The following FBF1 variants were observed in gnomAD, a reference collection of about 807,000 sequenced individuals.
FBF1 encodes the protein Fas binding factor 1, also known as fas-binding factor 1.
Under a neutral mutation model 147.2 loss-of-function variants are expected in FBF1, and 119 were observed. That is an observed-to-expected ratio of 0.81 (90% CI 0.70 to 0.94). The LOEUF is 0.94. Among genes scored for constraint, FBF1 ranks in the 40% least tolerant of loss-of-function variants. The pLI, the probability that FBF1 is intolerant of heterozygous loss-of-function variation, is 0.00. For missense variants in FBF1, 1,449 were observed against 1,500.8 expected (o/e 0.97, Z 0.57); for synonymous variants, 601 against 609.0 (o/e 0.99, Z 0.19).
chr17:75,936,953 G>A (rs544945331), intron 3 of FBF1, among the ~76,000 whole-genome samples: 1 of 152,154 alleles, frequency 6.6e-6, no homozygotes, highest in African/African-American at 2.4e-5. Context: ...GAGGCATGTG[G>A]GGGAACCTAA....
chr17:75,915,166 G>C (rs771551682), intron 23 of FBF1, 27 bp from the exon 24 acceptor site: 3 of 1,598,558 alleles, frequency 1.9e-6, no homozygotes, highest in African/African-American at 1.3e-5. Flanking sequence ...AGGACTGAGA[G>C]CGTGGTTCCC....
chr17:75,926,503 T>C, intron 10 of FBF1, 77 bp from the exon 11 acceptor site: 3 of 1,466,404 alleles, frequency 2.0e-6, no homozygotes, highest in Non-Finnish European at 2.7e-6. Context: ...TTGGGGGTGG[T>C]TTCTCTGCAC....
rs765224061 is a variant in FBF1 at position 75,925,998 on chromosome 17, C to G, written c.868+32G>C. 2.5e-6 allele frequency: 4 copies of G among 1,577,650 alleles called. No homozygotes were observed. The highest frequency in any genetic ancestry group is 3.4e-6 in the Non-Finnish European group (4 of 1,160,976). ...AAGCCTGATCTAGAGGCCTCCCTCC[C>G]GTCCTGTTGCGGCCCCCGCAAGCCT... On this transcript the variant is annotated intron_variant, in intron 12 of 29. Coordinates refer to ENST00000636174, the MANE Select transcript of FBF1 (RefSeq NM_001319193.2). The surrounding 1 kb of genome is among the most constrained non-coding windows in gnomAD (Gnocchi z 5.0).
intron 7 of FBF1, 52 bp downstream of exon 7, chr17:75,929,945 A>AGGGGGCCCC: frequency 3.1e-6 from 2 of 650,888 alleles, no homozygotes; most frequent in East Asian, 2.8e-5. Flanking sequence ...AAATATCATG[A>AGGGGGCCCC]CCCCACCCCA....
At chr17:75,926,543 G>A in intron 10 of FBF1, 117 bp from the exon 11 acceptor site, 1 of 1,414,394 alleles carries the variant, frequency 7.1e-7, no homozygotes, top group Non-Finnish European at 9.3e-7. Flanking sequence ...CTTTAGACCT[G>A]CCTGGTCTGT....
At chr17:75,931,172 C>T (rs2065592110) in intron 6 of FBF1, 57 bp downstream of exon 6, 1 of 1,536,594 alleles carries the variant, frequency 6.5e-7, no homozygotes, top group Non-Finnish European at 8.8e-7. Flanking sequence ...GGCCACAACA[C>T]CCATCTCAGT....
chr17:75,915,804 T>C (rs2065485270), intron 23 of FBF1, among the ~76,000 whole-genome samples: 1 of 150,160 alleles, frequency 6.7e-6, no homozygotes, highest in African/African-American at 2.5e-5. Flanking sequence ...AGGTCAGGAG[T>C]TCAAGACCAG....
rs139470884 is a variant in FBF1, at chr17:75,923,879, C to A, written c.969-238G>T. On this transcript the variant is annotated intron_variant, in intron 13 of 29. Transcript: ENST00000636174. The surrounding 1 kb of genome is among the most constrained non-coding windows in gnomAD (Gnocchi z 4.1). The stretch of plus-strand genomic sequence containing the variant: ...CAGGGACAGTTCTACCCACAGAGAA[C>A]AGGAACAGGATCAAATGACAGCCAT... 5.7e-3 allele frequency among the ~76,000 whole-genome samples: 866 copies of A among 152,250 alleles called. 11 individuals carry two copies. Among genetic ancestry groups the A allele is most frequent in the African/African-American group, 0.02 (811 of 41,534 alleles).
chr17:75,914,155 C>G lies in FBF1; in HGVS notation c.2958G>C (p.Lys986Asn). The G allele has an allele frequency of 6.2e-7, 1 of 1,602,346 alleles. No homozygotes were observed. The highest frequency in any genetic ancestry group is 8.5e-7 in the Non-Finnish European group (1 of 1,176,840). ...TGCTCTCCACCTCCTCGGCGCGGAG[C>G]TTGACACGCAGGGCGGTGGCGTTGA... ...ERINATALRVKLRAEEVESMS... is the reference protein window; with the variant it reads ...ERINATALRVNLRAEEVESMS... Residue 986 changes from lysine (K) to asparagine (N), a missense_variant, in exon 26 of 30, where the codon AAG (lysine) becomes AAC (asparagine). Physicochemically the swap from Lys to Asn is moderately conservative, Grantham distance 94. Transcript: ENST00000636174.
At position 75,937,571 on chromosome 17, in the gene FBF1, C is replaced by T. The variant is rs2065632614; in HGVS notation, c.26G>A (p.Cys9Tyr). The change falls in exon 3 of 30, where the codon TGT becomes TAT. Residue 9 changes from cysteine (C) to tyrosine (Y), a missense_variant. Coordinates refer to ENST00000636174, the MANE Select transcript of FBF1 (RefSeq NM_001319193.2). Reference sequence around the variant, plus strand: ...TGTTCCATCTCTCCACTCACCTTTACATCCTTTCTTGGTTTTTGGTGCCTA... The same window carrying T: ...TGTTCCATCTCTCCACTCACCTTTATATCCTTTCTTGGTTTTTGGTGCCTA... MAPKTKKG[C>Y]KGSIDDFLGD... is the part of the protein sequence containing the mutation. The T allele has an allele frequency of 1.2e-6, 2 of 1,613,932 alleles. No individual in the cohort carries two copies. Among genetic ancestry groups the T allele is most frequent in the East Asian group, 4.5e-5 (2 of 44,884 alleles).
chr17:75,921,515 A>C lies in FBF1; in HGVS notation c.1572T>G (p.Gly524=), dbSNP rs2065526235. The change falls in exon 16 of 30, where the codon GGT becomes GGG. Residue 524 remains glycine (G), a synonymous_variant. Coordinates refer to ENST00000636174, the MANE Select transcript of FBF1 (RefSeq NM_001319193.2). ...QNHAASALPT[G]SPKRGTAPGD... is the part of the protein sequence containing the mutation. Reference sequence around the variant, plus strand: ...CAGGGGCTGTTCCCCTCTTTGGGGAACCTGTAGGGAGTGCTGAGGCGGCAT... The same window carrying C: ...CAGGGGCTGTTCCCCTCTTTGGGGACCCTGTAGGGAGTGCTGAGGCGGCAT... The C allele has an allele frequency of 6.2e-7, 1 of 1,613,172 alleles. No individual in the cohort carries two copies. The highest frequency in any genetic ancestry group is 8.5e-7 in the Non-Finnish European group (1 of 1,179,636).
At chr17:75,929,946 C>G in intron 7 of FBF1, 51 bp downstream of exon 7, 3 of 409,720 alleles carry the variant, frequency 7.3e-6, no homozygotes, top group African/African-American at 2.3e-5. Flanking sequence ...AATATCATGA[C>G]CCCACCCCAC....
intron 23 of FBF1, among the ~76,000 whole-genome samples, chr17:75,916,407 C>T (rs1185132343): frequency 6.6e-6 from 1 of 151,922 alleles, no homozygotes; most frequent in African/African-American, 2.4e-5. Flanking sequence ...ATTGCTTGAG[C>T]CCAGGAGTTC....
chr17:75,915,192 C>CCT, intron 23 of FBF1, 53 bp from the exon 24 acceptor site: 1 of 1,558,510 alleles, frequency 6.4e-7, no homozygotes, highest in Non-Finnish European at 8.6e-7. Flanking sequence ...GAGGATCACG[C>CCT]CTGGCCACTC....
At position 75,927,507 on chromosome 17, in the gene FBF1, T is replaced by G; in HGVS notation, c.423A>C (p.Ser141=). The G allele has an allele frequency of 6.2e-7, 1 of 1,603,502 alleles. No homozygotes were observed. The highest frequency in any genetic ancestry group is 8.5e-7 in the Non-Finnish European group (1 of 1,175,640). ...PAGGAIPTKK[S]LPSPSSSGHQ... The stretch of plus-strand genomic sequence containing the variant: ...GCCCAGAGCTGCTGGGAGACGGAAG[T>G]GACTTCTTGGTGGGAATGGCACCCC... Residue 141 remains serine (S), a synonymous_variant, in exon 9 of 30, where the codon TCA becomes TCC. Transcript: ENST00000636174.
At chr17:75,935,190 A>G (rs2065616867) in intron 4 of FBF1, among the ~76,000 whole-genome samples, 1 of 144,906 alleles carries the variant, frequency 6.9e-6, no homozygotes, top group East Asian at 2.0e-4. Context: ...TTTGAGACGG[A>G]GTCTCGCTCT....
In FBF1 at chr17:75,918,717, T is replaced by C. The variant is rs2065504793; in HGVS notation, c.2139-448A>G. ...GTGTTGCCCAGGCTGGTCTCGAACT[T>C]CTGAGCTCAGGCAATCTACCCACCT... On this transcript the variant is annotated intron_variant, in intron 20 of 29. Coordinates refer to ENST00000636174, the MANE Select transcript of FBF1 (RefSeq NM_001319193.2). The surrounding 1 kb of genome is among the most constrained non-coding windows in gnomAD (Gnocchi z 5.8). Among the ~76,000 whole-genome samples the C allele has an allele frequency of 1.3e-5, 2 of 151,460 alleles. No individual in the cohort carries two copies. Among genetic ancestry groups the C allele is most frequent in the African/African-American group, 4.9e-5 (2 of 41,188 alleles).
Position 75,919,658 on chromosome 17 carries a change from TG to T in FBF1, c.2138+9del. ...AGCCTGCTCCCCAGCTGCCTGTCCC[TG>T]GGCCTCACCGCTGCAGCTCCCGGAG... On this transcript the variant is annotated intron_variant, in intron 20 of 29. Coordinates refer to ENST00000636174, the MANE Select transcript of FBF1 (RefSeq NM_001319193.2). The surrounding 1 kb of genome is among the most constrained non-coding windows in gnomAD (Gnocchi z 5.0). 5 of 1,587,694 alleles carry T rather than the reference TG, an allele frequency of 3.1e-6. No homozygotes were observed. Among genetic ancestry groups the T allele is most frequent in the Non-Finnish European group, 4.3e-6 (5 of 1,169,196 alleles).
intron 23 of FBF1, among the ~76,000 whole-genome samples, chr17:75,916,817 C>T (rs1052133253): frequency 9.2e-5 from 14 of 152,174 alleles, no homozygotes; most frequent in African/African-American, 3.4e-4. Flanking sequence ...TGTGCACCAC[C>T]ACACCCAGTT....
Sources: gnomAD v4.1 joint callset for allele counts (sites outside exome capture counted in the v4.1 genomes callset) on GRCh38, gnomAD v4.1.1 for gene constraint, Gnocchi (gnomAD v3.1) non-coding constraint, MANE v1.5 for transcripts, NCBI Gene and HGNC (gene_info 2026-07-23, HGNC 2026-07-21) for gene names.